HPSE2: variants seen among roughly 807,000 people sequenced by gnomAD.
HPSE2 encodes the protein inactive heparanase-2.
A neutral mutation model predicts 60.5 loss-of-function variants in HPSE2; 38 were observed. The observed-to-expected ratio is 0.63, with a 90% CI of 0.48 to 0.82. The LOEUF (loss-of-function observed/expected upper bound fraction) is 0.82. Among genes scored for constraint, HPSE2 ranks in the 40% least tolerant of loss-of-function variants. The pLI, the probability that HPSE2 is intolerant of heterozygous loss-of-function variation, is 0.00. For synonymous variants in HPSE2, 295 were observed against 293.2 expected (o/e 1.01, Z -0.06); for missense variants, 713 against 740.4 (o/e 0.96, Z 0.43).
rs963156 is a variant in HPSE2 at position 98,592,487 on chromosome 10, T to C, written c.1320+22417A>G. ...TTCAAGCTAAATCTCATTTTCTTAT[T>C]TCCTGTCCATATTTTTAACTTCCCC... On this transcript the variant is annotated intron_variant, in intron 9 of 11. Coordinates refer to ENST00000370552, the MANE Select transcript of HPSE2 (RefSeq NM_021828.5). Among the ~76,000 whole-genome samples the C allele has an allele frequency of 3.5e-3, 530 of 152,324 alleles. 4 individuals carry two copies. The highest frequency in any genetic ancestry group is 0.012 in the African/African-American group (499 of 41,584).
At chr10:98,577,122 C>T (rs1944662599) in intron 9 of HPSE2, among the ~76,000 whole-genome samples, 1 of 151,972 alleles carries the variant, frequency 6.6e-6, no homozygotes. Context: ...TTGGTAGCAA[C>T]AATACATAGT....
chr10:98,757,890 T>C (rs1949914265), intron 3 of HPSE2, among the ~76,000 whole-genome samples: 2 of 152,168 alleles, frequency 1.3e-5, no homozygotes, highest in South Asian at 4.1e-4. Context: ...AAAGCAATCC[T>C]AAACAAAAAG....
chr10:99,256,031 G>T, the HPSE2 span, among the ~76,000 whole-genome samples: 2 of 152,056 alleles, frequency 1.3e-5, no homozygotes, highest in African/African-American at 4.8e-5. Context: ...AGACAGTGAA[G>T]GGGGAAGTGC....
chr10:98,780,106 G>A (rs1271913048), intron 3 of HPSE2, among the ~76,000 whole-genome samples: 1 of 152,142 alleles, frequency 6.6e-6, no homozygotes, highest in Admixed American at 6.6e-5. Flanking sequence ...GGAAGGGGAA[G>A]AAATGGTATA....
At chr10:98,751,572 A>G (rs2134355096) in intron 3 of HPSE2, among the ~76,000 whole-genome samples, 1 of 152,328 alleles carries the variant, frequency 6.6e-6, no homozygotes, top group Non-Finnish European at 1.5e-5. Flanking sequence ...CTCTTGGAAG[A>G]CAGGGCTGGT....
intron 3 of HPSE2, among the ~76,000 whole-genome samples, chr10:98,882,535 G>A (rs1325410826): frequency 1.3e-5 from 2 of 151,758 alleles, no homozygotes; most frequent in Admixed American, 6.6e-5. Flanking sequence ...GACTCTCTGG[G>A]GCATGTTCTT....
At chr10:99,202,554 T>C (rs996324058) in intron 2 of HPSE2, among the ~76,000 whole-genome samples, 2 of 152,208 alleles carry the variant, frequency 1.3e-5, no homozygotes, top group Non-Finnish European at 1.5e-5. Context: ...GGCAGTATTT[T>C]ATCACATGTA....
intron 9 of HPSE2, among the ~76,000 whole-genome samples, chr10:98,572,185 C>T (rs1944516872): frequency 6.6e-6 from 1 of 152,114 alleles, no homozygotes; most frequent in Admixed American, 6.5e-5. Flanking sequence ...AGGTGATCTG[C>T]CCACCTCAGC....
intron 3 of HPSE2, among the ~76,000 whole-genome samples, chr10:98,884,360 T>A (rs947033252): frequency 6.6e-6 from 1 of 152,124 alleles, no homozygotes; most frequent in African/African-American, 2.4e-5. Flanking sequence ...AACAACAGAT[T>A]TTCGACGTAG....
At chr10:99,082,525 G>T (rs796314185) in intron 3 of HPSE2, among the ~76,000 whole-genome samples, 5 of 152,220 alleles carry the variant, frequency 3.3e-5, no homozygotes, top group African/African-American at 9.6e-5. Context: ...CAGCTGAGCA[G>T]GTACCCTACT....
chr10:98,619,554 C>T (rs572912648), intron 8 of HPSE2, among the ~76,000 whole-genome samples: 102 of 152,310 alleles, frequency 6.7e-4, no homozygotes, highest in African/African-American at 2.4e-3. Flanking sequence ...CAAGGCCTCA[C>T]TTCCTCTACC....
intron 9 of HPSE2, among the ~76,000 whole-genome samples, chr10:98,566,845 T>C (rs1944360394): frequency 6.6e-6 from 1 of 152,142 alleles, no homozygotes; most frequent in Admixed American, 6.5e-5. Flanking sequence ...TCACTCCAGA[T>C]GGAAGAGTAA....
chr10:98,563,945 T>C (rs1025267740), intron 9 of HPSE2, among the ~76,000 whole-genome samples: 1 of 152,178 alleles, frequency 6.6e-6, no homozygotes, highest in Non-Finnish European at 1.5e-5. Flanking sequence ...TCTTTAATCT[T>C]TCTAACCTCC....
chr10:98,697,360 T>C (rs571397501), intron 5 of HPSE2, among the ~76,000 whole-genome samples: 21 of 152,238 alleles, frequency 1.4e-4, no homozygotes, highest in African/African-American at 4.6e-4. Flanking sequence ...TTGTGAAGTA[T>C]ACACAAGCAT....
intron 3 of HPSE2, among the ~76,000 whole-genome samples, chr10:98,965,218 A>T (rs560699819): frequency 6.6e-6 from 1 of 152,286 alleles, no homozygotes; most frequent in Non-Finnish European, 1.5e-5. Flanking sequence ...CCAATTTCAC[A>T]TCAAATTATC....
At chr10:99,132,179 A>C (rs1378856139) in intron 3 of HPSE2, among the ~76,000 whole-genome samples, 2 of 14,140 alleles carry the variant, frequency 1.4e-4, no homozygotes, top group Admixed American at 1.9e-3. Context: ...GAAAGAAAGA[A>C]AGAAAGAAAG....
chr10:99,026,774 C>T (rs550875781), intron 3 of HPSE2, among the ~76,000 whole-genome samples: 1 of 152,182 alleles, frequency 6.6e-6, no homozygotes, highest in East Asian at 1.9e-4. Context: ...CAAGTATCTT[C>T]CCTGACCACA....
chr10:99,208,161 C>G (rs1429009539), intron 2 of HPSE2, among the ~76,000 whole-genome samples: 1 of 151,602 alleles, frequency 6.6e-6, no homozygotes, highest in Non-Finnish European at 1.5e-5. Context: ...ACCATAGTAA[C>G]TGAAAGTTCA....
At chr10:99,246,518 A>G in the HPSE2 span, among the ~76,000 whole-genome samples, 1 of 152,224 alleles carries the variant, frequency 6.6e-6, no homozygotes, top group South Asian at 2.1e-4. Flanking sequence ...AGGCCAAGGC[A>G]AGCGGGTCAC....
Sources: gnomAD v4.1 joint callset for allele counts (sites outside exome capture counted in the v4.1 genomes callset) on GRCh38, gnomAD v4.1.1 for gene constraint, MANE v1.5 for transcripts, NCBI Gene and HGNC (gene_info 2026-07-23, HGNC 2026-07-21) for gene names.